The following XKR6 variants were observed in gnomAD, a reference collection of about 807,000 sequenced individuals.
XKR6 encodes the protein XK-related protein 6.
In XKR6, 22 loss-of-function variants were observed where a neutral mutation model predicts 56.7. The ratio of observed to expected loss-of-function variants is 0.39; its 90% CI spans 0.28 to 0.55. The LOEUF (loss-of-function observed/expected upper bound fraction) is 0.55. Among genes scored for constraint, XKR6 ranks in the 20% least tolerant of loss-of-function variants. XKR6 has a pLI of 0.66. For missense variants in XKR6, 852 were observed against 889.0 expected (o/e 0.96, Z 0.53); for synonymous variants, 524 against 387.8 (o/e 1.35, Z -4.13).
chr8:11,080,916 T>TG (rs2129169799), intron 1 of XKR6, among the ~76,000 whole-genome samples: 1 of 152,276 alleles, frequency 6.6e-6, no homozygotes, highest in African/African-American at 2.4e-5. Flanking sequence ...ACGTGAAAAC[T>TG]GTGGATCACA....
intron 1 of XKR6, among the ~76,000 whole-genome samples, chr8:11,048,813 GGCCTACA>G (rs1205005028): frequency 6.6e-6 from 1 of 152,196 alleles, no homozygotes; most frequent in Non-Finnish European, 1.5e-5. Context: ...TTCTGGGCCA[GGCCTACA>G]GCCTCTGCTC....
At chr8:10,979,548 T>C (rs1797679640) in intron 1 of XKR6, among the ~76,000 whole-genome samples, 1 of 152,160 alleles carries the variant, frequency 6.6e-6, no homozygotes, top group Admixed American at 6.5e-5. Flanking sequence ...CTCTAGCCCC[T>C]GAAGCAGCCA....
chr8:10,986,003 GAGA>G (rs1431458338), intron 1 of XKR6, among the ~76,000 whole-genome samples: 2 of 152,192 alleles, frequency 1.3e-5, no homozygotes, highest in Non-Finnish European at 2.9e-5. Flanking sequence ...AAATATAGGA[GAGA>G]AGGAGACTAC....
chr8:10,958,061 C>G (rs10109025), intron 1 of XKR6, among the ~76,000 whole-genome samples: 65,323 of 152,094 alleles, frequency 0.43, 15,018 homozygotes, highest in African/African-American at 0.59. Flanking sequence ...GTGTGATCTT[C>G]AGTAAGTCAC....
At position 11,086,813 on chromosome 8, in the gene XKR6, G is replaced by C. The variant is rs543789383; in HGVS notation, c.764+113763C>G. ...ACAGTAGCTTGTTCTGCTGCTAATA[G>C]AGGCAGTGGCACGGCTGCTGCCAGC... On this transcript the variant is annotated intron_variant, in intron 1 of 2. Coordinates refer to ENST00000416569, the MANE Select transcript of XKR6 (RefSeq NM_173683.4). Among the ~76,000 whole-genome samples, 3 of 152,352 alleles carry C rather than the reference G, an allele frequency of 2.0e-5. No homozygotes were observed. In the South Asian group the frequency reaches 6.2e-4, roughly 32 times the overall value.
At chr8:11,077,065 A>G (rs1285359075) in intron 1 of XKR6, among the ~76,000 whole-genome samples, 1 of 152,012 alleles carries the variant, frequency 6.6e-6, no homozygotes, top group Non-Finnish European at 1.5e-5. Context: ...GTCCCAAGCT[A>G]CTCAAGAGGC....
intron 1 of XKR6, among the ~76,000 whole-genome samples, chr8:11,149,181 C>G (rs74448456): frequency 6.6e-6 from 1 of 152,056 alleles, no homozygotes; most frequent in Non-Finnish European, 1.5e-5. Flanking sequence ...GAAAACATTC[C>G]GAGAAATGCA....
intron 2 of XKR6, among the ~76,000 whole-genome samples, chr8:10,910,594 G>C (rs998072146): frequency 4.6e-5 from 7 of 152,172 alleles, no homozygotes; most frequent in Admixed American, 2.0e-4. Context: ...TGGACCCTGG[G>C]CTCTTCTGAG....
chr8:11,115,650 C>G (rs1260072246), intron 1 of XKR6, among the ~76,000 whole-genome samples: 1 of 151,612 alleles, frequency 6.6e-6, no homozygotes, highest in Non-Finnish European at 1.5e-5. Context: ...AAAAAAATGT[C>G]AAAATATATG....
At chr8:11,181,928 C>T (rs1382124061) in intron 1 of XKR6, among the ~76,000 whole-genome samples, 2 of 152,124 alleles carry the variant, frequency 1.3e-5, no homozygotes, top group African/African-American at 2.4e-5. Context: ...TCTCAGCTCC[C>T]TGAAACCTCC....
chr8:10,941,567 C>T (rs1359736825), intron 1 of XKR6, among the ~76,000 whole-genome samples: 1 of 152,226 alleles, frequency 6.6e-6, no homozygotes, highest in African/African-American at 2.4e-5. Context: ...TGATTTTGCC[C>T]TGCACTGGGT....
At chr8:10,913,064 T>C (rs557911820) in intron 2 of XKR6, among the ~76,000 whole-genome samples, 18 of 151,234 alleles carry the variant, frequency 1.2e-4, no homozygotes, top group African/African-American at 4.4e-4. Flanking sequence ...AGTATATATC[T>C]ATATAGAGAA....
chr8:11,024,554 G>C (rs2129149598), intron 1 of XKR6, among the ~76,000 whole-genome samples: 1 of 152,322 alleles, frequency 6.6e-6, no homozygotes, highest in East Asian at 1.9e-4. Flanking sequence ...AACCTACCAA[G>C]TGTCTGACTA....
Position 11,112,838 on chromosome 8 carries a change from A to G in XKR6, c.764+87738T>C, listed in dbSNP as rs576108008. Among the ~76,000 whole-genome samples, 73 of 152,310 alleles carry G rather than the reference A, an allele frequency of 4.8e-4. No homozygotes were observed. In the South Asian group the frequency reaches 6.0e-3, roughly 13 times the overall value. On this transcript the variant is annotated intron_variant, in intron 1 of 2. Coordinates refer to ENST00000416569, the MANE Select transcript of XKR6 (RefSeq NM_173683.4). ...TTAGTGTATGTGAATAATTCTCCCT[A>G]TCATTACAGAAAGCCACATACATGA...
intron 1 of XKR6, among the ~76,000 whole-genome samples, chr8:11,061,503 G>A (rs1410450659): frequency 1.3e-5 from 2 of 151,840 alleles, no homozygotes; most frequent in East Asian, 1.9e-4. Context: ...GTAAAAATGG[G>A]AACAGACACT....
At chr8:10,964,398 G>C (rs1802155214) in intron 1 of XKR6, among the ~76,000 whole-genome samples, 1 of 152,160 alleles carries the variant, frequency 6.6e-6, no homozygotes, top group African/African-American at 2.4e-5. Context: ...GCTTAGACCT[G>C]GAGGCTCCGA....
intron 1 of XKR6, among the ~76,000 whole-genome samples, chr8:11,179,091 A>C (rs1802834239): frequency 6.9e-6 from 1 of 145,588 alleles, no homozygotes; most frequent in South Asian, 2.2e-4. Flanking sequence ...TCTCAGCCTC[A>C]AGCAATCCTC....
At chr8:11,035,325 T>C (rs1483387116) in intron 1 of XKR6, 3 of 534,782 alleles carry the variant, frequency 5.6e-6, no homozygotes, top group African/African-American at 1.9e-5. Context: ...TTGTGGCAGC[T>C]TGGGCCCCCA....
rs149458265 is a variant in XKR6, at chr8:11,082,490, G to A, written c.764+118086C>T. Among the ~76,000 whole-genome samples, 79 of 152,364 alleles carry A rather than the reference G, an allele frequency of 5.2e-4. No homozygotes were observed. In the East Asian group the frequency reaches 9.2e-3, roughly 18 times the overall value. Reference sequence around the variant, plus strand: ...GCCTGCATAAGCCACAGAGTGGCCAGACCCAGCTTGCCTCTGGTGTTCTTG... The same window carrying A: ...GCCTGCATAAGCCACAGAGTGGCCAAACCCAGCTTGCCTCTGGTGTTCTTG... On this transcript the variant is annotated intron_variant, in intron 1 of 2. Transcript: ENST00000416569.
Sources: gnomAD v4.1 joint callset for allele counts (sites outside exome capture counted in the v4.1 genomes callset) on GRCh38, gnomAD v4.1.1 for gene constraint, MANE v1.5 for transcripts, NCBI Gene and HGNC (gene_info 2026-07-23, HGNC 2026-07-21) for gene names.